The following SDK1 variants were observed in gnomAD, a reference collection of about 807,000 sequenced individuals.
SDK1 encodes protein sidekick-1.
Under a neutral mutation model 245.5 loss-of-function variants are expected in SDK1, and 157 were observed. The observed-to-expected ratio is 0.64, with a 90% CI of 0.56 to 0.73. SDK1 has a LOEUF of 0.73. SDK1 is among the 30% of genes least tolerant of loss of function. SDK1 has a pLI of 0.00. For missense variants in SDK1, 3,583 were observed against 3,002.3 expected (o/e 1.19, Z -4.52); for synonymous variants, 1,647 against 1,278.5 (o/e 1.29, Z -6.15).
chr7:3,518,077 A>G (rs928785589), intron 1 of SDK1, among the ~76,000 whole-genome samples: 1 of 152,104 alleles, frequency 6.6e-6, no homozygotes, highest in African/African-American at 2.4e-5. Flanking sequence ...AAAGTGTTTT[A>G]GTAAGATATT....
chr7:4,212,135 TACA>T (rs1179453444), intron 38 of SDK1, among the ~76,000 whole-genome samples: 9 of 152,146 alleles, frequency 5.9e-5, no homozygotes, highest in Non-Finnish European at 1.3e-4. Context: ...GAGGAAAAAA[TACA>T]ACGAGCACAT....
chr7:3,622,736 A>G (rs947842194), intron 2 of SDK1, among the ~76,000 whole-genome samples: 11 of 152,214 alleles, frequency 7.2e-5, no homozygotes, highest in Non-Finnish European at 7.3e-5. Context: ...TATGTGGACT[A>G]TTAAAATAAG....
intron 4 of SDK1, among the ~76,000 whole-genome samples, chr7:3,681,101 C>G (rs1687898444): frequency 6.6e-6 from 1 of 152,194 alleles, no homozygotes; most frequent in Non-Finnish European, 1.5e-5. Context: ...CTCAGCCTCC[C>G]AGAGTGCTGG....
intron 40 of SDK1, 26 bp from the exon 41 acceptor site, chr7:4,233,229 C>G (rs769658890): frequency 1.2e-6 from 2 of 1,604,098 alleles, no homozygotes; most frequent in African/African-American, 2.7e-5. Flanking sequence ...CTAACCTCTG[C>G]TCTCGCCTCC....
intron 1 of SDK1, among the ~76,000 whole-genome samples, chr7:3,556,778 A>G (rs533528792): frequency 1.3e-5 from 2 of 152,196 alleles, no homozygotes; most frequent in South Asian, 2.1e-4. Context: ...TGGGCAGCAG[A>G]GTGAGATTCT....
chr7:4,240,089 C>T (rs1238315388), intron 42 of SDK1, among the ~76,000 whole-genome samples: 1 of 152,082 alleles, frequency 6.6e-6, no homozygotes, highest in Non-Finnish European at 1.5e-5. Context: ...AGATTTTATT[C>T]CTGAGGGATT....
intron 1 of SDK1, among the ~76,000 whole-genome samples, chr7:3,376,061 G>T (rs772172836): frequency 6.6e-6 from 1 of 152,118 alleles, no homozygotes; most frequent in Non-Finnish European, 1.5e-5. Context: ...GCTGGGCATG[G>T]TAGCTTATGC....
chr7:3,353,465 A>G (rs531840240), intron 1 of SDK1, among the ~76,000 whole-genome samples: 1 of 152,310 alleles, frequency 6.6e-6, no homozygotes, highest in Middle Eastern at 3.4e-3. Flanking sequence ...GCTGAGTTAC[A>G]TTTATACCAC....
At chr7:4,197,342 G>A (rs1783644762) in intron 35 of SDK1, among the ~76,000 whole-genome samples, 2 of 152,086 alleles carry the variant, frequency 1.3e-5, no homozygotes, top group East Asian at 1.9e-4. Flanking sequence ...GAAACAATTA[G>A]ATGGGTATAG....
chr7:3,647,034 A>T (rs1409993299), intron 4 of SDK1, among the ~76,000 whole-genome samples: 2 of 152,224 alleles, frequency 1.3e-5, no homozygotes, highest in African/African-American at 4.8e-5. Context: ...GATGGTGATG[A>T]TCGCACAACA....
rs565649960 is a variant in SDK1 at position 3,465,018 on chromosome 7, G to T, written c.299-154062G>T. 7.9e-5 allele frequency among the ~76,000 whole-genome samples: 12 copies of T among 152,252 alleles called. No individual in the cohort carries two copies. In the South Asian group the frequency reaches 2.5e-3, roughly 32 times the overall value. On this transcript the variant is annotated intron_variant, in intron 1 of 44. Coordinates refer to ENST00000404826, the MANE Select transcript of SDK1 (RefSeq NM_152744.4). Reference sequence around the variant, plus strand: ...TGTTGCTAACCAGAGGAACCACAGAGGAAGACTTTTGAAAGAGAGGGCACA... The same window carrying T: ...TGTTGCTAACCAGAGGAACCACAGATGAAGACTTTTGAAAGAGAGGGCACA...
intron 1 of SDK1, among the ~76,000 whole-genome samples, chr7:3,402,970 A>T (rs1778929609): frequency 6.6e-6 from 1 of 152,030 alleles, no homozygotes. Flanking sequence ...TTTTTGAGAC[A>T]GAGTTTCACT....
At chr7:3,646,580 C>G in intron 4 of SDK1, among the ~76,000 whole-genome samples, 1 of 152,264 alleles carries the variant, frequency 6.6e-6, no homozygotes, top group Non-Finnish European at 1.5e-5. Flanking sequence ...GGTTCACACC[C>G]GGGTCTGCCT....
chr7:3,452,077 A>G lies in SDK1; in HGVS notation c.298+150193A>G, dbSNP rs146960953. ...CTAAATTTGTATTGAGTTAAATTGTATAAATTCTTTAAGGATTTCAAGGGT... is the reference window on the plus strand; with the variant it reads ...CTAAATTTGTATTGAGTTAAATTGTGTAAATTCTTTAAGGATTTCAAGGGT... On this transcript the variant is annotated intron_variant, in intron 1 of 44. Coordinates refer to ENST00000404826, the MANE Select transcript of SDK1 (RefSeq NM_152744.4). Among the ~76,000 whole-genome samples the G allele has an allele frequency of 2.8e-3, 424 of 152,354 alleles. 2 individuals are homozygous for G. The highest frequency in any genetic ancestry group is 2.9e-3 in the Non-Finnish European group (200 of 68,026).
intron 32 of SDK1, among the ~76,000 whole-genome samples, chr7:4,170,279 T>G (rs1306269183): frequency 3.3e-5 from 5 of 152,062 alleles, no homozygotes; most frequent in Admixed American, 2.0e-4. Flanking sequence ...AGACGTCATC[T>G]CTACAGAAAA....
chr7:3,613,790 C>T (rs1008413126), intron 1 of SDK1, among the ~76,000 whole-genome samples: 1 of 151,670 alleles, frequency 6.6e-6, no homozygotes, highest in African/African-American at 2.4e-5. Context: ...GAATACTACG[C>T]AGCCATAAAA....
intron 4 of SDK1, among the ~76,000 whole-genome samples, chr7:3,687,566 C>T (rs1217942163): frequency 2.0e-5 from 3 of 152,156 alleles, no homozygotes; most frequent in South Asian, 2.1e-4. Flanking sequence ...TCGATGCACA[C>T]GGCAACTTGG....
At chr7:3,568,674 G>C (rs1780004467) in intron 1 of SDK1, among the ~76,000 whole-genome samples, 1 of 152,190 alleles carries the variant, frequency 6.6e-6, no homozygotes, top group African/African-American at 2.4e-5. Context: ...GGCAGACAGA[G>C]CCATTATAAT....
intron 5 of SDK1, among the ~76,000 whole-genome samples, chr7:3,830,866 G>T (rs1779896912): frequency 6.6e-6 from 1 of 152,148 alleles, no homozygotes; most frequent in South Asian, 2.1e-4. Flanking sequence ...CCTGATTTCA[G>T]TTTATAGGGA....
Sources: allele counts gnomAD v4.1 joint callset (sites outside exome capture counted in the v4.1 genomes callset), GRCh38; gene constraint gnomAD v4.1.1; transcripts MANE v1.5; gene names NCBI Gene and HGNC (gene_info 2026-07-23, HGNC 2026-07-21).